Variants in MYRF observed in about 807,000 individuals in gnomAD.
The protein encoded by MYRF is myelin gene regulatory factor.
MYRF carries 16 observed loss-of-function variants against 126.3 expected under a neutral mutation model. That is an observed-to-expected ratio of 0.13 (90% CI 0.09 to 0.19). The LOEUF is 0.19. MYRF is among the 10% of genes least tolerant of loss of function. The pLI, the probability that MYRF is intolerant of heterozygous loss-of-function variation, is 1.00. For synonymous variants in MYRF, 608 were observed against 635.3 expected (o/e 0.96, Z 0.65); for missense variants, 1,104 against 1,547.0 (o/e 0.71, Z 4.80).
intron 3 of MYRF, chr11:61,768,751 C>T (rs1401501334): frequency 6.5e-6 from 1 of 152,832 alleles, no homozygotes; most frequent in East Asian, 1.9e-4. Flanking sequence ...GTTCTTTTTC[C>T]TGAACACTGA....
At position 61,771,587 on chromosome 11, in the gene MYRF, A is replaced by G. The variant is rs752154418; in HGVS notation, c.828A>G (p.Lys276=). The G allele has an allele frequency of 6.2e-7, 1 of 1,613,850 alleles. No individual in the cohort carries two copies. Among genetic ancestry groups the G allele is most frequent in the Non-Finnish European group, 8.5e-7 (1 of 1,179,944 alleles). ...CCCAGATGCTGAATGGAATGATCAA[A>G]CAGGAGCCTGGGACCGTGACAGCCC... The part of the protein sequence containing the change: ...LNAQMLNGMI[K]QEPGTVTALP... Residue 276 remains lysine (K), a synonymous_variant, in exon 6 of 27, where the codon AAA becomes AAG. Coordinates refer to ENST00000278836, the MANE Select transcript of MYRF (RefSeq NM_001127392.3).
At chr11:61,755,416 C>G (rs781186733) in intron 1 of MYRF, 1 of 1,610,106 alleles carries the variant, frequency 6.2e-7, no homozygotes, top group South Asian at 1.1e-5. Context: ...GGGGACCCAC[C>G]GGGCAGGATG....
intron 1 of MYRF, among the ~76,000 whole-genome samples, chr11:61,755,085 C>T (rs2065710289): frequency 6.6e-6 from 1 of 152,212 alleles, no homozygotes; most frequent in African/African-American, 2.4e-5. Context: ...CCTTGGTCAT[C>T]CCTCTGGACA....
chr11:61,760,921 A>G (rs1383096204), intron 1 of MYRF, among the ~76,000 whole-genome samples: 2 of 152,156 alleles, frequency 1.3e-5, no homozygotes, highest in Non-Finnish European at 2.9e-5. Flanking sequence ...CCTGGCCCTC[A>G]GCTGCTGCCT....
intron 1 of MYRF, among the ~76,000 whole-genome samples, chr11:61,758,576 G>A (rs1374379784): frequency 6.6e-6 from 1 of 152,208 alleles, no homozygotes; most frequent in Non-Finnish European, 1.5e-5. Flanking sequence ...CTGTGGGCCT[G>A]GGCCTGTCGT....
In MYRF at chr11:61,784,293, G is replaced by A. The variant is rs562609660; in HGVS notation, c.3208G>A (p.Val1070Met). The A allele has an allele frequency of 2.9e-5, 46 of 1,613,912 alleles. No individual in the cohort carries two copies. In the South Asian group the frequency reaches 4.2e-4, roughly 15 times the overall value. The change falls in exon 25 of 27, where the codon GTG (valine) becomes ATG (methionine). Residue 1070 changes from valine (V) to methionine (M), a missense_variant. Around this residue, in one of 10 missense-constraint regions of MYRF, gnomAD observed 94 missense variants for 164.6 expected, o/e 0.57. Coordinates refer to ENST00000278836, the MANE Select transcript of MYRF (RefSeq NM_001127392.3). ...LTLQMNSSSPVSVVLCSLRSK... is the reference protein window; with the variant it reads ...LTLQMNSSSPMSVVLCSLRSK... The stretch of plus-strand genomic sequence containing the variant: ...GCCTGTCTACAGCTCCTCCTCCCCC[G>A]TGTCTGTGGTGCTGTGCAGCCTGAG...
rs199859093 is a variant in MYRF at position 61,771,679 on chromosome 11, C to T, written c.920C>T (p.Pro307Leu). 2 of 1,613,918 alleles carry T rather than the reference C, an allele frequency of 1.2e-6. No homozygotes were observed. The highest frequency in any genetic ancestry group is 1.7e-6 in the Non-Finnish European group (2 of 1,180,002). Residue 307 changes from proline to leucine, a missense_variant, in exon 6 of 27, where the codon CCT becomes CTT. Pro to Leu is a moderately conservative substitution (Grantham distance 98). Coordinates refer to ENST00000278836, the MANE Select transcript of MYRF (RefSeq NM_001127392.3). ...CCCCAGGGTCCGCTCTCCCCGGGCCCTGGTTCCTTGCCTCTCAGCATTGCC... is the reference window on the plus strand; with the variant it reads ...CCCCAGGGTCCGCTCTCCCCGGGCCTTGGTTCCTTGCCTCTCAGCATTGCC... ...WPPQGPLSPG[P>L]GSLPLSIARV...
In MYRF at chr11:61,757,576, C is replaced by T; in HGVS notation, c.46+4786C>T. ...TGTTCTGTGGTTCTGTGTGCAAGGC[C>T]TGAACCATGACAGCTCTGGCCCAGC... On this transcript the variant is annotated intron_variant, in intron 1 of 26. Coordinates refer to ENST00000278836, the MANE Select transcript of MYRF (RefSeq NM_001127392.3). The surrounding 1 kb of genome is among the most constrained non-coding windows in gnomAD (Gnocchi z 4.7). 2.2e-6 allele frequency: 1 copy of T among 456,490 alleles called. No individual in the cohort carries two copies. Among genetic ancestry groups the T allele is most frequent in the South Asian group, 1.5e-5 (1 of 64,562 alleles). The allele number at this position is 456,490 out of a possible 1,614,324, so 28.3% of individuals were successfully genotyped here.
intron 7 of MYRF, among the ~76,000 whole-genome samples, chr11:61,773,309 A>G (rs575836576): frequency 8.9e-4 from 136 of 152,228 alleles, no homozygotes; most frequent in South Asian, 2.1e-3. Context: ...TTTACTGTCA[A>G]CTAGAGGTGT....
Position 61,777,964 on chromosome 11 carries a change from G to C in MYRF, c.1903+119G>C. 1 of 791,148 alleles carries C rather than the reference G, an allele frequency of 1.3e-6. No homozygotes were observed. Among genetic ancestry groups the C allele is most frequent in the African/African-American group, 1.7e-5 (1 of 57,472 alleles). 49.0% of individuals were successfully genotyped at this position (791,148 alleles called of 1,614,324 possible). On this transcript the variant is annotated intron_variant, in intron 13 of 26. Coordinates refer to ENST00000278836, the MANE Select transcript of MYRF (RefSeq NM_001127392.3). The surrounding 1 kb of genome is among the most constrained non-coding windows in gnomAD (Gnocchi z 8.8). Reference sequence around the variant, plus strand: ...CTTGACTCCCGGAACTGCGCCCCTGGGAATCATGCCTTCTAGAAGTCCCGC... The same window carrying C: ...CTTGACTCCCGGAACTGCGCCCCTGCGAATCATGCCTTCTAGAAGTCCCGC...
chr11:61,782,589 AAC>A (rs1358862551), intron 22 of MYRF: 2 of 152,282 alleles, frequency 1.3e-5, no homozygotes, highest in African/African-American at 2.4e-5. Flanking sequence ...CAGAGATGAA[AAC>A]ACAGCAGTGT....
chr11:61,780,751 C>G lies in MYRF; in HGVS notation c.2445C>G (p.Leu815=). 1 of 1,548,676 alleles carries G rather than the reference C, an allele frequency of 6.5e-7. No individual in the cohort carries two copies. Among genetic ancestry groups the G allele is most frequent in the Non-Finnish European group, 8.7e-7 (1 of 1,147,132 alleles). The change falls in exon 19 of 27, where the codon CTC becomes CTG. Residue 815 remains leucine (L), a synonymous_variant. Coordinates refer to ENST00000278836, the MANE Select transcript of MYRF (RefSeq NM_001127392.3). ...AVSTSCLLAL[L]RPQPPGGSEA... ...CCACTTCCTGTCTCCTGGCCCTGCT[C>G]CGGCCCCAGCCCCCTGGGGGGAGTG...
intron 1 of MYRF, chr11:61,754,364 C>T (rs1296220657): frequency 6.6e-6 from 1 of 152,454 alleles, no homozygotes; most frequent in African/African-American, 2.4e-5. Flanking sequence ...TTAGGCAGCC[C>T]TGCATCTGTC....
At chr11:61,765,760 C>G (rs371762446) in intron 2 of MYRF, 48 bp downstream of exon 2, 8 of 1,554,186 alleles carry the variant, frequency 5.1e-6, no homozygotes, top group Non-Finnish European at 7.0e-6. Context: ...CCCAGCCCTT[C>G]GCCTCCCTTC....
At position 61,780,709 on chromosome 11, in the gene MYRF, T is replaced by C. The variant is rs369662486; in HGVS notation, c.2406-3T>C. 2 of 1,550,130 alleles carry C rather than the reference T, an allele frequency of 1.3e-6. No homozygotes were observed. Among genetic ancestry groups the C allele is most frequent in the Non-Finnish European group, 1.7e-6 (2 of 1,147,032 alleles). Reference sequence around the variant, plus strand: ...CACCCTTTGCCTTTTTGCTGCCCCTTAGCTCTTTTGCCGTGTCCACTTCCT... The same window carrying C: ...CACCCTTTGCCTTTTTGCTGCCCCTCAGCTCTTTTGCCGTGTCCACTTCCT... On this transcript the variant is annotated splice_polypyrimidine_tract_variant and splice_region_variant and intron_variant, in intron 18 of 26. Coordinates refer to ENST00000278836, the MANE Select transcript of MYRF (RefSeq NM_001127392.3).
At position 61,770,345 on chromosome 11, in the gene MYRF, G is replaced by GGGCCCCC; in HGVS notation, c.560_561insGGCCCCC (p.Pro188AlafsTer42). ...CCCCCACCTCCAGCCCACTTGCCAG[G>GGGCCCCC]CCCCCCGCCACCCCCACCACCCCCA... On this transcript the variant is annotated frameshift_variant, in exon 5 of 27. Coordinates refer to ENST00000278836, the MANE Select transcript of MYRF (RefSeq NM_001127392.3). LOFTEE classifies it high-confidence loss of function. The GGGCCCCC allele has an allele frequency of 3.3e-6, 5 of 1,504,812 alleles. No individual in the cohort carries two copies. The highest frequency in any genetic ancestry group is 4.5e-6 in the Non-Finnish European group (5 of 1,109,476). 93.2% of individuals were successfully genotyped at this position (1,504,812 alleles called of 1,614,324 possible). A position where few individuals can be genotyped will look rare whatever the true frequency, so the allele number is the denominator to read the frequency against.
Position 61,757,544 on chromosome 11 carries a change from T to C in MYRF, c.46+4754T>C. On this transcript the variant is annotated intron_variant, in intron 1 of 26. Coordinates refer to ENST00000278836, the MANE Select transcript of MYRF (RefSeq NM_001127392.3). The surrounding 1 kb of genome is among the most constrained non-coding windows in gnomAD (Gnocchi z 4.7). ...AGTGCCCCTAAGCTTAGGGGGCTTG[T>C]TGAGCATGTTCTGTGGTTCTGTGTG... is the stretch of plus-strand genomic sequence containing the variant. 1 of 456,594 alleles carries C rather than the reference T, an allele frequency of 2.2e-6. No individual in the cohort carries two copies. The highest frequency in any genetic ancestry group is 3.3e-4 in the Middle Eastern group (1 of 3,074). The allele number at this position is 456,594 out of a possible 1,614,324, so 28.3% of individuals were successfully genotyped here.
chr11:61,765,525 T>G, intron 1 of MYRF, 100 bp from the exon 2 acceptor site: 2 of 946,902 alleles, frequency 2.1e-6, no homozygotes, highest in South Asian at 3.2e-5. Flanking sequence ...GGCATCTGTT[T>G]TGGAGGGCCA....
At position 61,783,672 on chromosome 11, in the gene MYRF, G is replaced by A. The variant is rs1275909670; in HGVS notation, c.3119+72G>A. On this transcript the variant is annotated intron_variant, in intron 23 of 26. Transcript: ENST00000278836. The surrounding 1 kb of genome is among the most constrained non-coding windows in gnomAD (Gnocchi z 4.6). Reference sequence around the variant, plus strand: ...TGAGCCCAGGTGGTACAGATCACCCGGAACTTGCCCTTTCAGGGAGGAGCC... The same window carrying A: ...TGAGCCCAGGTGGTACAGATCACCCAGAACTTGCCCTTTCAGGGAGGAGCC... The A allele has an allele frequency of 4.4e-5, 65 of 1,475,592 alleles. No individual in the cohort carries two copies. The highest frequency in any genetic ancestry group is 3.6e-4 in the Middle Eastern group (2 of 5,488). 91.4% of individuals were successfully genotyped at this position (1,475,592 alleles called of 1,614,324 possible). A position where few individuals can be genotyped will look rare whatever the true frequency, so the allele number is the denominator to read the frequency against.
Sources: allele counts gnomAD v4.1 joint callset (sites outside exome capture counted in the v4.1 genomes callset), GRCh38; gene constraint gnomAD v4.1.1; regional missense constraint gnomAD v4.1.1; non-coding constraint Gnocchi (gnomAD v3.1); transcripts MANE v1.5; gene names NCBI Gene and HGNC (gene_info 2026-07-23, HGNC 2026-07-21).